The following PALM2AKAP2 variants were observed in gnomAD, a reference collection of about 807,000 sequenced individuals.
PALM2AKAP2 encodes the protein PALM2-AKAP2 fusion protein.
Under a neutral mutation model 71.5 loss-of-function variants are expected in PALM2AKAP2, and 37 were observed. That is an observed-to-expected ratio of 0.52 (90% CI 0.40 to 0.68). PALM2AKAP2 has a LOEUF of 0.68. PALM2AKAP2 is among the 30% of genes least tolerant of loss of function. The pLI is 0.00. For synonymous variants in PALM2AKAP2, 468 were observed against 478.8 expected (o/e 0.98, Z 0.29); for missense variants, 1,224 against 1,191.8 (o/e 1.03, Z -0.40).
At chr9:110,136,181 T>C in exon 2 of PALM2AKAP2, 1 of 1,611,986 alleles carries the variant, frequency 6.2e-7, no homozygotes, top group Non-Finnish European at 8.5e-7. Flanking sequence ...GGGAGACAAC[T>C]ATAGTGCCAC....
exon 4 of PALM2AKAP2, chr9:110,169,476 A>ATAAC (rs370867015): frequency 3.3e-5 from 5 of 152,336 alleles, no homozygotes; most frequent in African/African-American, 1.2e-4. Flanking sequence ...AAAGGTGTTT[A>ATAAC]TAACTATTTT....
intron 6 of PALM2AKAP2, chr9:109,942,972 C>T (rs781707628): frequency 5.6e-6 from 9 of 1,614,024 alleles, no homozygotes; most frequent in African/African-American, 1.3e-5. Flanking sequence ...ATGGGAGCCT[C>T]AGCCATCCCA....
At chr9:109,912,355 C>T (rs1017387153) in intron 3 of PALM2AKAP2, among the ~76,000 whole-genome samples, 1 of 151,902 alleles carries the variant, frequency 6.6e-6, no homozygotes, top group African/African-American at 2.4e-5. Context: ...CCACTGACAC[C>T]TTACAGTCAA....
intron 1 of PALM2AKAP2, among the ~76,000 whole-genome samples, chr9:109,795,878 A>G (rs1287795721): frequency 6.6e-6 from 1 of 152,204 alleles, no homozygotes; most frequent in Non-Finnish European, 1.5e-5. Flanking sequence ...TTTCTAGATC[A>G]CAGAGTGCCA....
At position 109,845,966 on chromosome 9, in the gene PALM2AKAP2, A is replaced by C. The variant is rs1432235788; in HGVS notation, c.46-21525A>C. On this transcript the variant is annotated intron_variant, in intron 1 of 9. Transcript: ENST00000302798. ...ATTCAGAAGGAGGAGATGGATAAAAACCAGCAAGATCTAAAGTAGATAATT... is the reference window on the plus strand; with the variant it reads ...ATTCAGAAGGAGGAGATGGATAAAACCCAGCAAGATCTAAAGTAGATAATT... 2.0e-5 allele frequency among the ~76,000 whole-genome samples: 3 copies of C among 152,224 alleles called. No homozygotes were observed. The East Asian group carries it at 5.8e-4, about 29-fold the overall frequency.
chr9:109,789,591 A>G (rs1395495163), intron 1 of PALM2AKAP2, among the ~76,000 whole-genome samples: 1 of 152,128 alleles, frequency 6.6e-6, no homozygotes, highest in Non-Finnish European at 1.5e-5. Context: ...TCTCTTGTAT[A>G]TCTTAAAACA....
chr9:110,067,076 G>A (rs1214811760), intron 1 of PALM2AKAP2, among the ~76,000 whole-genome samples: 1 of 152,062 alleles, frequency 6.6e-6, no homozygotes, highest in African/African-American at 2.4e-5. Flanking sequence ...TGAGGAAGGA[G>A]AATGACTATT....
chr9:109,695,472 T>C (rs552974728), intron 1 of PALM2AKAP2, among the ~76,000 whole-genome samples: 2 of 152,200 alleles, frequency 1.3e-5, no homozygotes, highest in Admixed American at 6.5e-5. Context: ...ATTTTTTGTC[T>C]TTTTGATAAT....
chr9:110,038,660 T>C (rs1833458573), intron 7 of PALM2AKAP2, among the ~76,000 whole-genome samples: 1 of 151,898 alleles, frequency 6.6e-6, no homozygotes, highest in Non-Finnish European at 1.5e-5. Flanking sequence ...TATTGTAGGC[T>C]GGGCATGGCG....
At chr9:109,833,981 G>A (rs1040024602) in intron 1 of PALM2AKAP2, among the ~76,000 whole-genome samples, 1 of 152,194 alleles carries the variant, frequency 6.6e-6, no homozygotes, top group African/African-American at 2.4e-5. Flanking sequence ...GGGAGGCCAA[G>A]GCGGGCAGAT....
intron 7 of PALM2AKAP2, among the ~76,000 whole-genome samples, chr9:110,024,719 G>A (rs1426774258): frequency 6.6e-6 from 1 of 151,670 alleles, no homozygotes; most frequent in African/African-American, 2.4e-5. Context: ...AGGAGGTAGA[G>A]AGTGCAGTGA....
chr9:109,995,873 G>T lies in PALM2AKAP2; in HGVS notation c.497-20081G>T, dbSNP rs114411270. ...CAGATCTGAGCTGAGGACCTTGGAGGCCTGAACTGGTGCACTTGCCATGAG... is the reference window on the plus strand; with the variant it reads ...CAGATCTGAGCTGAGGACCTTGGAGTCCTGAACTGGTGCACTTGCCATGAG... On this transcript the variant is annotated intron_variant, in intron 6 of 9. Transcript: ENST00000302798. Among the ~76,000 whole-genome samples the T allele has an allele frequency of 9.1e-3, 1,381 of 152,290 alleles. 23 individuals are homozygous for T. The highest frequency in any genetic ancestry group is 0.031 in the African/African-American group (1,296 of 41,548).
chr9:109,830,215 A>G (rs1268250508), intron 1 of PALM2AKAP2, among the ~76,000 whole-genome samples: 2 of 152,204 alleles, frequency 1.3e-5, no homozygotes, highest in Non-Finnish European at 2.9e-5. Flanking sequence ...GAACATTTTA[A>G]GGGATTCTCA....
At chr9:110,028,098 G>A (rs1428848634) in intron 7 of PALM2AKAP2, among the ~76,000 whole-genome samples, 4 of 152,088 alleles carry the variant, frequency 2.6e-5, no homozygotes, top group East Asian at 1.9e-4. Flanking sequence ...GAGGCATATC[G>A]GTACTATATG....
intron 1 of PALM2AKAP2, among the ~76,000 whole-genome samples, chr9:109,827,352 A>C (rs1828178523): frequency 6.6e-6 from 1 of 152,198 alleles, no homozygotes; most frequent in African/African-American, 2.4e-5. Flanking sequence ...GCGGTGGCTC[A>C]TGACTGTAAT....
At position 109,684,422 on chromosome 9, in the gene PALM2AKAP2, G is replaced by T. The variant is rs892791904; in HGVS notation, c.5+43556G>T. ...AGGCTCAGTGACCACAGGGAGAAGG[G>T]CTCAGCTATGGTTCAGGTAACACAC... On this transcript the variant is annotated intron_variant, in intron 1 of 6. Coordinates refer to the PALM2AKAP2 transcript ENST00000374531. Among the ~76,000 whole-genome samples the T allele has an allele frequency of 3.6e-4, 55 of 152,164 alleles. 2 individuals are homozygous for T. The highest frequency in any genetic ancestry group is 1.5e-4 in the Non-Finnish European group (10 of 68,020).
At chr9:110,039,140 G>T (rs867453325) in intron 7 of PALM2AKAP2, among the ~76,000 whole-genome samples, 5 of 151,416 alleles carry the variant, frequency 3.3e-5, no homozygotes, top group Non-Finnish European at 2.9e-5. Flanking sequence ...ACCCAGCTAC[G>T]CAGGAGGCTG....
intron 1 of PALM2AKAP2, among the ~76,000 whole-genome samples, chr9:109,861,522 G>A (rs2131669264): frequency 6.6e-6 from 1 of 152,116 alleles, no homozygotes; most frequent in East Asian, 1.9e-4. Context: ...TATAGAAAGT[G>A]AATGAAAGTG....
intron 1 of PALM2AKAP2, among the ~76,000 whole-genome samples, chr9:110,049,714 G>A (rs1833672913): frequency 6.6e-6 from 1 of 152,216 alleles, no homozygotes; most frequent in African/African-American, 2.4e-5. Flanking sequence ...ACCAGAGCAA[G>A]GAGACACTGG....
Sources: allele counts gnomAD v4.1 joint callset (sites outside exome capture counted in the v4.1 genomes callset), GRCh38; gene constraint gnomAD v4.1.1; transcripts MANE v1.5; gene names NCBI Gene and HGNC (gene_info 2026-07-23, HGNC 2026-07-21).